RNF146: variants seen among roughly 807,000 people sequenced by gnomAD.
RNF146 encodes E3 ubiquitin-protein ligase RNF146.
Under a neutral mutation model 29.7 loss-of-function variants are expected in RNF146, and 11 were observed. That is an observed-to-expected ratio of 0.37 (90% CI 0.23 to 0.61). The LOEUF is 0.61. Among genes scored for constraint, RNF146 ranks in the 20% least tolerant of loss-of-function variants. RNF146 has a pLI of 0.66. For missense variants in RNF146, 342 were observed against 438.9 expected (o/e 0.78, Z 1.97); for synonymous variants, 150 against 159.7 (o/e 0.94, Z 0.46).
chr6:127,287,719 C>T lies in RNF146; in HGVS notation c.*26C>T. ...ATAAAAATGTCTTCAGCTCCATGCT[C>T]AAGGTTGAAAGGGTTACCTGTAAAT... On this transcript the variant is annotated 3_prime_UTR_variant, in exon 3 of 3. Coordinates refer to ENST00000368314, the MANE Select transcript of RNF146 (RefSeq NM_001242850.2). 1 of 1,407,900 alleles carries T rather than the reference C, an allele frequency of 7.1e-7. No individual in the cohort carries two copies. 87.2% of individuals were successfully genotyped at this position (1,407,900 alleles called of 1,614,324 possible). A position where few individuals can be genotyped will look rare whatever the true frequency, so the allele number is the denominator to read the frequency against.
Position 127,287,791 on chromosome 6 carries a change from A to G in RNF146, c.*98A>G. 1 of 756,430 alleles carries G rather than the reference A, an allele frequency of 1.3e-6. No homozygotes were observed. The highest frequency in any genetic ancestry group is 2.5e-5 in the East Asian group (1 of 40,058). 46.9% of individuals were successfully genotyped at this position (756,430 alleles called of 1,614,324 possible). The stretch of plus-strand genomic sequence containing the variant: ...CTCATCCCTAGTAGTGCATTTTGGG[A>G]GTTGGGGTGGGAAGGGGTATGGGAA... On this transcript the variant is annotated 3_prime_UTR_variant, in exon 3 of 3. Transcript: ENST00000368314.
intron 1 of RNF146, among the ~76,000 whole-genome samples, chr6:127,268,193 G>T (rs1309309792): frequency 6.6e-6 from 1 of 152,170 alleles, no homozygotes; most frequent in Non-Finnish European, 1.5e-5. Flanking sequence ...ATTTCAGGTA[G>T]TGGGCACATC....
In RNF146 at chr6:127,287,538, A is replaced by G. The variant is rs1437427029; in HGVS notation, c.925A>G (p.Thr309Ala). ...TGCAGTTGTTGCACAGCACTCCTTGACCCAACAGAGACTTTTGGTTTCTAA... is the reference window on the plus strand; with the variant it reads ...TGCAGTTGTTGCACAGCACTCCTTGGCCCAACAGAGACTTTTGGTTTCTAA... ...VSAVVAQHSL[T>A]QQRLLVSNAN... Residue 309 changes from threonine (T) to alanine (A), a missense_variant, in exon 3 of 3, where the codon ACC (threonine) becomes GCC (alanine). Physicochemically the swap from Thr to Ala is moderately conservative, Grantham distance 58. This residue lies in a region of RNF146 where 196 missense variants were observed against 208.9 expected (regional missense o/e 0.94). Transcript: ENST00000368314. 1 of 1,613,130 alleles carries G rather than the reference A, an allele frequency of 6.2e-7. No individual in the cohort carries two copies. Among genetic ancestry groups the G allele is most frequent in the Non-Finnish European group, 8.5e-7 (1 of 1,179,524 alleles).
chr6:127,287,145 G>A lies in RNF146; in HGVS notation c.532G>A (p.Val178Ile), dbSNP rs142163393. The change falls in exon 3 of 3, where the codon GTA becomes ATA. Residue 178 changes from valine (V) to isoleucine (I), a missense_variant. Around this residue, in one of 6 missense-constraint regions of RNF146, gnomAD observed 28 missense variants for 40.7 expected, o/e 0.69. Coordinates refer to ENST00000368314, the MANE Select transcript of RNF146 (RefSeq NM_001242850.2). ...TATAATAGATATACCAAAGAAGGGA[G>A]TAGCTGGACTTAGGCTAGACTGTGA... ...RDIIDIPKKG[V>I]AGLRLDCDAN... 187 of 1,613,200 alleles carry A rather than the reference G, an allele frequency of 1.2e-4. No individual in the cohort carries two copies. Among genetic ancestry groups the A allele is most frequent in the Non-Finnish European group, 1.5e-4 (174 of 1,179,612 alleles).
intron 1 of RNF146, among the ~76,000 whole-genome samples, chr6:127,271,479 A>G (rs1777491240): frequency 6.6e-6 from 1 of 152,198 alleles, no homozygotes; most frequent in Non-Finnish European, 1.5e-5. Flanking sequence ...TAGGTAAATT[A>G]ACATTGAATT....
intron 2 of RNF146, chr6:127,280,624 CT>C: frequency 9.8e-7 from 1 of 1,016,464 alleles, no homozygotes; most frequent in Non-Finnish European, 1.2e-6. Flanking sequence ...GTTCTACCTT[CT>C]TTTTACATAA....
chr6:127,273,175 CA>C (rs1166041144), intron 1 of RNF146, among the ~76,000 whole-genome samples: 1 of 152,134 alleles, frequency 6.6e-6, no homozygotes, highest in East Asian at 1.9e-4. Flanking sequence ...ATGAAAAATA[CA>C]CAAGAACAAG....
chr6:127,270,277 T>G (rs1173177965), intron 1 of RNF146, among the ~76,000 whole-genome samples: 1 of 152,216 alleles, frequency 6.6e-6, no homozygotes, highest in African/African-American at 2.4e-5. Flanking sequence ...TGTCACTGTT[T>G]TTTTCCTCCA....
intron 1 of RNF146, among the ~76,000 whole-genome samples, chr6:127,268,591 C>T (rs559956753): frequency 2.0e-5 from 3 of 152,174 alleles, no homozygotes; most frequent in African/African-American, 7.2e-5. Flanking sequence ...GTTGTTCAGC[C>T]CAATCTTTCA....
rs368344327 is a variant in RNF146 at position 127,286,683 on chromosome 6, T to A, written c.70T>A (p.Ser24Thr). ...TCCTACAAACAGGAAAGCGAACGAG[T>A]CCTGTTCTAATACTGCACCTTCTTT... The part of the protein sequence containing the change: ...MLPTNRKANE[S>T]CSNTAPSLTV... The change falls in exon 3 of 3, where the codon TCC becomes ACC. Residue 24 changes from serine to threonine, a missense_variant. By Grantham distance (58) the Ser-to-Thr change is moderately conservative. This residue lies in a region of RNF146 where 39 missense variants were observed against 43.1 expected (regional missense o/e 0.90). Transcript: ENST00000368314. This position sits in a 1 kb window ranked among gnomAD's most constrained non-coding sequence, Gnocchi z 4.6. The A allele has an allele frequency of 5.6e-6, 9 of 1,613,040 alleles. No individual in the cohort carries two copies. The highest frequency in any genetic ancestry group is 7.6e-6 in the Non-Finnish European group (9 of 1,179,464).
chr6:127,286,019 T>A lies in RNF146; in HGVS notation c.3-597T>A. The A allele has an allele frequency of 1.6e-6, 2 of 1,224,724 alleles. No individual in the cohort carries two copies. Among genetic ancestry groups the A allele is most frequent in the Non-Finnish European group, 2.0e-6 (2 of 982,486 alleles). 75.9% of individuals were successfully genotyped at this position (1,224,724 alleles called of 1,614,324 possible). ...AGTGTTTAAGCTAGATACATCCAATTTGACAAATCTTTTTTCTTCTTCCTC... is the reference window on the plus strand; with the variant it reads ...AGTGTTTAAGCTAGATACATCCAATATGACAAATCTTTTTTCTTCTTCCTC... On this transcript the variant is annotated intron_variant, in intron 2 of 2. Transcript: ENST00000368314. This position sits in a 1 kb window ranked among gnomAD's most constrained non-coding sequence, Gnocchi z 4.6.
intron 2 of RNF146, among the ~76,000 whole-genome samples, chr6:127,281,428 A>G (rs1385794637): frequency 6.6e-6 from 1 of 151,790 alleles, no homozygotes; most frequent in Non-Finnish European, 1.5e-5. Context: ...ATATTAAGGT[A>G]ACAATCAGAT....
chr6:127,285,219 C>G, intron 2 of RNF146: 5 of 984,908 alleles, frequency 5.1e-6, no homozygotes, highest in Non-Finnish European at 6.0e-6. Flanking sequence ...AAATTGCCAT[C>G]TTTTTGAGCC....
chr6:127,279,378 G>A (rs1412203519), intron 1 of RNF146, among the ~76,000 whole-genome samples: 1 of 151,832 alleles, frequency 6.6e-6, no homozygotes, highest in Non-Finnish European at 1.5e-5. Context: ...AGAGGTGCCT[G>A]TTTTCCCCCA....
chr6:127,278,472 C>T (rs1778524343), intron 1 of RNF146, among the ~76,000 whole-genome samples: 1 of 151,886 alleles, frequency 6.6e-6, no homozygotes, highest in Non-Finnish European at 1.5e-5. Context: ...CTGTATGTGG[C>T]TTATTAGTAT....
intron 1 of RNF146, among the ~76,000 whole-genome samples, chr6:127,279,383 C>A (rs1180487815): frequency 6.6e-6 from 1 of 151,776 alleles, no homozygotes; most frequent in African/African-American, 2.4e-5. Flanking sequence ...TGCCTGTTTT[C>A]CCCCATTGAG....
At chr6:127,282,290 T>C in intron 2 of RNF146, 1 of 151,732 alleles carries the variant, frequency 6.6e-6, no homozygotes, top group East Asian at 1.9e-4. Context: ...CTCACAGATA[T>C]TGGAGTAATT....
chr6:127,281,444 T>G (rs1048942986), intron 2 of RNF146, among the ~76,000 whole-genome samples: 5 of 151,742 alleles, frequency 3.3e-5, no homozygotes, highest in African/African-American at 1.2e-4. Flanking sequence ...CAGATGCTAT[T>G]GAAACTGAAC....
At chr6:127,267,598 T>G (rs917153174) in intron 1 of RNF146, among the ~76,000 whole-genome samples, 2 of 152,056 alleles carry the variant, frequency 1.3e-5, no homozygotes, top group African/African-American at 4.8e-5. Context: ...CTCTTCCTCC[T>G]TTTTTTTCTC....
Sources: allele counts gnomAD v4.1 joint callset (sites outside exome capture counted in the v4.1 genomes callset), GRCh38; gene constraint gnomAD v4.1.1; regional missense constraint gnomAD v4.1.1; non-coding constraint Gnocchi (gnomAD v3.1); transcripts MANE v1.5; gene names NCBI Gene and HGNC (gene_info 2026-07-23, HGNC 2026-07-21).